The following RNLS variants were observed in gnomAD, a reference collection of about 807,000 sequenced individuals.
The protein encoded by RNLS is renalase, FAD dependent amine oxidase, also known as renalase.
A neutral mutation model predicts 39.8 loss-of-function variants in RNLS; 39 were observed. That is an observed-to-expected ratio of 0.98 (90% CI 0.76 to 1.28). RNLS has a LOEUF of 1.28. Ranked by LOEUF, RNLS falls within the 50% of genes most tolerant of loss-of-function variation. The pLI, the probability that RNLS is intolerant of heterozygous loss-of-function variation, is 0.00. For synonymous variants in RNLS, 147 were observed against 150.7 expected (o/e 0.98, Z 0.18); for missense variants, 410 against 413.3 (o/e 0.99, Z 0.07).
At chr10:88,172,890 T>C in the RNLS span, among the ~76,000 whole-genome samples, 2 of 121,526 alleles carry the variant, frequency 1.6e-5, no homozygotes, top group African/African-American at 6.2e-5. Flanking sequence ...GGAGTCTCGC[T>C]CTGTCGCCCA....
intron 4 of RNLS, among the ~76,000 whole-genome samples, chr10:88,371,715 A>G (rs1344472404): frequency 6.6e-6 from 1 of 152,190 alleles, no homozygotes; most frequent in Non-Finnish European, 1.5e-5. Context: ...TCTGCTCACT[A>G]GAGATTATTT....
At chr10:88,504,396 G>A (rs769111606) in intron 4 of RNLS, among the ~76,000 whole-genome samples, 26 of 151,822 alleles carry the variant, frequency 1.7e-4, no homozygotes, top group African/African-American at 3.4e-4. Context: ...TGAATAATAC[G>A]CCTCTTTTGT....
chr10:88,432,854 T>A (rs1855216595), intron 4 of RNLS, among the ~76,000 whole-genome samples: 1 of 152,030 alleles, frequency 6.6e-6, no homozygotes, highest in Admixed American at 6.6e-5. Flanking sequence ...CCAGAATACA[T>A]CTTATTGTTT....
At chr10:88,363,147 C>T (rs1849772884) in intron 4 of RNLS, among the ~76,000 whole-genome samples, 1 of 151,658 alleles carries the variant, frequency 6.6e-6, no homozygotes, top group Admixed American at 6.6e-5. Flanking sequence ...GTATTATTTC[C>T]AAGTTACAGA....
At chr10:88,405,795 C>T (rs1199114943) in intron 4 of RNLS, among the ~76,000 whole-genome samples, 1 of 151,858 alleles carries the variant, frequency 6.6e-6, no homozygotes, top group African/African-American at 2.4e-5. Context: ...TGCTTTTTAA[C>T]TTGTATTTTT....
At chr10:88,364,893 C>T (rs1334238520) in intron 4 of RNLS, among the ~76,000 whole-genome samples, 1 of 151,996 alleles carries the variant, frequency 6.6e-6, no homozygotes, top group Admixed American at 6.6e-5. Flanking sequence ...ATCACTGTTT[C>T]CCATTTTTTA....
At chr10:88,198,425 GT>G in the RNLS span, among the ~76,000 whole-genome samples, 2 of 152,326 alleles carry the variant, frequency 1.3e-5, no homozygotes, top group East Asian at 3.9e-4. Context: ...TTGCTTTGGT[GT>G]TTTGGTAGCA....
intron 4 of RNLS, among the ~76,000 whole-genome samples, chr10:88,524,297 A>C (rs1435265353): frequency 6.6e-6 from 1 of 152,088 alleles, no homozygotes; most frequent in Admixed American, 6.6e-5. Context: ...TGACGTTAAA[A>C]AGGTTTTCAT....
intron 4 of RNLS, among the ~76,000 whole-genome samples, chr10:88,480,443 C>T (rs138921009): frequency 1.1e-4 from 17 of 152,218 alleles, no homozygotes; most frequent in African/African-American, 3.1e-4. Context: ...TTTTTTGAGA[C>T]GGAGTCTCAC....
intron 5 of RNLS, among the ~76,000 whole-genome samples, chr10:88,330,356 G>T (rs540217306): frequency 1.3e-5 from 2 of 152,000 alleles, no homozygotes; most frequent in East Asian, 3.9e-4. Context: ...CAATATGCTG[G>T]CAGAATGAAT....
intron 5 of RNLS, among the ~76,000 whole-genome samples, chr10:88,335,919 T>C (rs1396703577): frequency 6.6e-6 from 1 of 152,250 alleles, no homozygotes; most frequent in Non-Finnish European, 1.5e-5. Flanking sequence ...TAGTAACTAC[T>C]TTGGGGTTTG....
chr10:88,261,687 G>A, the RNLS span, among the ~76,000 whole-genome samples: 1 of 152,284 alleles, frequency 6.6e-6, no homozygotes, highest in East Asian at 1.9e-4. Flanking sequence ...GATTATTGTA[G>A]AGATTAAATG....
At chr10:88,473,815 A>G (rs1843669743) in intron 4 of RNLS, among the ~76,000 whole-genome samples, 1 of 152,176 alleles carries the variant, frequency 6.6e-6, no homozygotes, top group African/African-American at 2.4e-5. Context: ...GACTAATTAA[A>G]TAAAAAGCCA....
intron 4 of RNLS, among the ~76,000 whole-genome samples, chr10:88,380,616 C>T (rs1851400596): frequency 6.6e-6 from 1 of 151,778 alleles, no homozygotes; most frequent in Admixed American, 6.6e-5. Context: ...GATCTCCTGA[C>T]CTCGTGATCC....
At chr10:88,362,432 C>T in intron 5 of RNLS, 120 bp downstream of exon 5, 1 of 857,268 alleles carries the variant, frequency 1.2e-6, no homozygotes, top group Non-Finnish European at 1.7e-6. Flanking sequence ...ATTTTATCCC[C>T]TGTGGCTTGG....
At chr10:88,223,487 T>A in the RNLS span, among the ~76,000 whole-genome samples, 1 of 152,160 alleles carries the variant, frequency 6.6e-6, no homozygotes, top group Non-Finnish European at 1.5e-5. Context: ...AGTACTGGAT[T>A]TTATTTGAAA....
At chr10:88,242,187 C>T in the RNLS span, among the ~76,000 whole-genome samples, 1 of 152,166 alleles carries the variant, frequency 6.6e-6, no homozygotes, top group East Asian at 1.9e-4. Flanking sequence ...GAAAGGTTGG[C>T]ATCCAACCCC....
downstream of RNLS, among the ~76,000 whole-genome samples, chr10:88,283,679 G>A (rs147971096): frequency 0.013 from 1,959 of 152,164 alleles, 38 homozygotes; most frequent in African/African-American, 0.038. Context: ...TGGAGCTGGA[G>A]GCCATTATCT....
chr10:88,412,975 T>C (rs569261552), intron 4 of RNLS, among the ~76,000 whole-genome samples: 6 of 152,314 alleles, frequency 3.9e-5, no homozygotes, highest in African/African-American at 1.4e-4. Flanking sequence ...CTGTTGATGA[T>C]GTCCAGCCCC....
Sources: gnomAD v4.1 joint callset for allele counts (sites outside exome capture counted in the v4.1 genomes callset) on GRCh38, gnomAD v4.1.1 for gene constraint, MANE v1.5 for transcripts, NCBI Gene and HGNC (gene_info 2026-07-23, HGNC 2026-07-21) for gene names.